Variants in PLA2R1 observed in about 807,000 individuals in gnomAD.
The protein encoded by PLA2R1 is phospholipase A2 receptor 1.
In PLA2R1, 158 loss-of-function variants were observed where a neutral mutation model predicts 195.9. The ratio of observed to expected loss-of-function variants is 0.81; its 90% CI spans 0.71 to 0.92. PLA2R1 has a LOEUF of 0.92. PLA2R1 is among the 40% of genes least tolerant of loss of function. PLA2R1 has a pLI of 0.00. For synonymous variants in PLA2R1, 586 were observed against 598.2 expected, an observed-to-expected ratio of 0.98 and a Z score of 0.30; for missense variants, 1,626 against 1,764.6, an observed-to-expected ratio of 0.92 and a Z score of 1.41.
chr2:160,056,821 A>G (rs1203871406), intron 1 of PLA2R1, among the ~76,000 whole-genome samples: 1 of 152,170 alleles, frequency 6.6e-6, no homozygotes, highest in African/African-American at 2.4e-5. Flanking sequence ...GTGCAAACCC[A>G]CAGGGCCCTT....
At chr2:159,929,330 T>C (rs187369525), downstream of PLA2R1, among the ~76,000 whole-genome samples, 1 of 151,890 alleles carries the variant, frequency 6.6e-6, no homozygotes, top group East Asian at 1.9e-4. Flanking sequence ...CACCAAAAAG[T>C]GGACTAAGGA....
downstream of PLA2R1, among the ~76,000 whole-genome samples, chr2:159,929,107 C>T (rs947299784): frequency 1.3e-5 from 2 of 152,126 alleles, no homozygotes; most frequent in African/African-American, 4.8e-5. Flanking sequence ...GACTTCATGA[C>T]CAAGAACCCA....
At position 159,955,722 on chromosome 2, in the gene PLA2R1, G is replaced by T; in HGVS notation, c.3129C>A (p.Asn1043Lys). 1 of 1,558,592 alleles carries T rather than the reference G, an allele frequency of 6.4e-7. No homozygotes were observed. Among genetic ancestry groups the T allele is most frequent in the Non-Finnish European group, 8.8e-7 (1 of 1,140,086 alleles). ...CATTTATTATATCAAATGGAGACCAGTTAGAATATACCACAGGCTTTCCAT... is the reference window on the plus strand; with the variant it reads ...CATTTATTATATCAAATGGAGACCATTTAGAATATACCACAGGCTTTCCAT... ...WLNGKPVVYSNWSPFDIINIP... is the reference protein window; with the variant it reads ...WLNGKPVVYSKWSPFDIINIP... The change falls in exon 22 of 30, where the codon AAC (asparagine) becomes AAA (lysine). Residue 1043 changes from asparagine to lysine, a missense_variant. Physicochemically the swap from Asn to Lys is moderately conservative, Grantham distance 94. Coordinates refer to ENST00000283243, the MANE Select transcript of PLA2R1 (RefSeq NM_007366.5).
chr2:159,950,084 T>C (rs2125928118), intron 24 of PLA2R1, among the ~76,000 whole-genome samples: 1 of 152,338 alleles, frequency 6.6e-6, no homozygotes, highest in East Asian at 1.9e-4. Flanking sequence ...TATTCAAACA[T>C]AAAATTGAAA....
At chr2:160,027,025 C>T (rs763841987) in intron 6 of PLA2R1, among the ~76,000 whole-genome samples, 4 of 152,088 alleles carry the variant, frequency 2.6e-5, no homozygotes, top group Admixed American at 6.5e-5. Flanking sequence ...CCCAGCTACT[C>T]GAGAGGCTGA....
At chr2:159,955,997 C>T (rs944108512) in intron 21 of PLA2R1, among the ~76,000 whole-genome samples, 169 bp from the exon 22 acceptor site, 3 of 152,126 alleles carry the variant, frequency 2.0e-5, no homozygotes, top group Non-Finnish European at 2.9e-5. Context: ...GTTTCTTTCA[C>T]TTTTGTTTTA....
intron 11 of PLA2R1, among the ~76,000 whole-genome samples, chr2:160,003,405 G>C (rs980285139): frequency 6.6e-6 from 1 of 151,866 alleles, no homozygotes; most frequent in East Asian, 1.9e-4. Context: ...CAAACATGTA[G>C]AGTTTATATT....
intron 13 of PLA2R1, among the ~76,000 whole-genome samples, chr2:159,981,788 T>C (rs765835604): frequency 6.6e-6 from 1 of 152,142 alleles, no homozygotes; most frequent in Non-Finnish European, 1.5e-5. Context: ...TACCTCACTG[T>C]AACTTTGAAC....
In PLA2R1 at chr2:159,976,706, T is replaced by C. The variant is rs1302653916; in HGVS notation, c.2416A>G (p.Ile806Val). The C allele has an allele frequency of 6.2e-7, 1 of 1,608,544 alleles. No individual in the cohort carries two copies. Reference sequence around the variant, plus strand: ...TTACCGTACTGGTACCAGAACGGAATCTTGGGTTTCACATCTGCAAAGTGA... The same window carrying C: ...TTACCGTACTGGTACCAGAACGGAACCTTGGGTTTCACATCTGCAAAGTGA... ...CKIPRDVKPK[I>V]PFWYQYDVPW... is the part of the protein sequence containing the mutation. The change falls in exon 16 of 30, where the codon ATT (isoleucine) becomes GTT (valine). Residue 806 changes from isoleucine (I) to valine (V), a missense_variant. Ile to Val is a conservative substitution (Grantham distance 29). Transcript: ENST00000283243.
rs987528157 is a variant in PLA2R1, at chr2:159,932,460, C to T, written c.*9318G>A. The T allele has an allele frequency of 6.6e-6, 1 of 152,256 alleles. No homozygotes were observed. Among genetic ancestry groups the T allele is most frequent in the Admixed American group, 6.5e-5 (1 of 15,284 alleles). 9.4% of individuals were successfully genotyped at this position (152,256 alleles called of 1,614,324 possible). ...CATTTTGGGCTAAGAACTCCAAAGC[C>T]CTTGGTGACTCACTGAGGCAACATG... On this transcript the variant is annotated 3_prime_UTR_variant, in exon 30 of 30. Transcript: ENST00000283243.
At chr2:160,048,178 G>C (rs182197171) in intron 1 of PLA2R1, among the ~76,000 whole-genome samples, 1 of 152,338 alleles carries the variant, frequency 6.6e-6, no homozygotes, top group East Asian at 1.9e-4. Context: ...AAGAGAAAAA[G>C]AGTGGCAGAA....
chr2:160,021,618 G>T (rs1009557327), intron 7 of PLA2R1, among the ~76,000 whole-genome samples: 1 of 152,162 alleles, frequency 6.6e-6, no homozygotes, highest in African/African-American at 2.4e-5. Flanking sequence ...AAACACTGGA[G>T]ATTCCAAAAG....
chr2:159,962,539 T>C (rs1295826709), intron 20 of PLA2R1, among the ~76,000 whole-genome samples: 1 of 152,212 alleles, frequency 6.6e-6, no homozygotes, highest in East Asian at 1.9e-4. Context: ...ACTGGGTATA[T>C]ACCCAAAGGA....
chr2:160,044,727 C>A (rs1446122240), intron 2 of PLA2R1, 47 bp downstream of exon 2: 3 of 1,531,240 alleles, frequency 2.0e-6, no homozygotes, highest in South Asian at 2.4e-5. Flanking sequence ...TATAGGCAAA[C>A]CTTAAAAAAA....
intron 1 of PLA2R1, among the ~76,000 whole-genome samples, chr2:160,052,826 A>G (rs1364303775): frequency 5.3e-5 from 8 of 152,204 alleles, no homozygotes; most frequent in Admixed American, 2.6e-4. Context: ...ACTGAAAACA[A>G]AAGTGCTTAC....
chr2:160,006,140 G>A (rs535181309), intron 10 of PLA2R1, among the ~76,000 whole-genome samples: 1 of 152,286 alleles, frequency 6.6e-6, no homozygotes, highest in African/African-American at 2.4e-5. Context: ...ATTTCTTGGA[G>A]TACGATGTGG....
chr2:159,968,218 C>T (rs550174669), intron 19 of PLA2R1, among the ~76,000 whole-genome samples: 23 of 150,722 alleles, frequency 1.5e-4, no homozygotes, highest in Non-Finnish European at 2.2e-4. Context: ...CCTTAGCCTC[C>T]GACAAACTAA....
At chr2:159,974,809 T>C (rs1369503600) in intron 17 of PLA2R1, among the ~76,000 whole-genome samples, 1 of 152,188 alleles carries the variant, frequency 6.6e-6, no homozygotes, top group African/African-American at 2.4e-5. Context: ...CATCAGAATG[T>C]AGCAGGAGTC....
At chr2:160,005,570 T>A in intron 11 of PLA2R1, 82 bp downstream of exon 11, 1 of 1,147,316 alleles carries the variant, frequency 8.7e-7, no homozygotes, top group Non-Finnish European at 1.3e-6. Context: ...TAAGAAAGAA[T>A]CAAAGGAGGT....
Sources: gnomAD v4.1 joint callset for allele counts (sites outside exome capture counted in the v4.1 genomes callset) on GRCh38, gnomAD v4.1.1 for gene constraint, MANE v1.5 for transcripts, NCBI Gene and HGNC (gene_info 2026-07-23, HGNC 2026-07-21) for gene names.